The following NHSL3 variants were observed in gnomAD, a reference collection of about 807,000 sequenced individuals.
NHSL3 encodes the protein NHS like 3, also known as NHS-like protein 3.
At chr1:32,745,176 A>G in the NHSL3 span, among the ~76,000 whole-genome samples, 1 of 151,798 alleles carries the variant, frequency 6.6e-6, no homozygotes, top group East Asian at 1.9e-4. Context: ...TAACCATAGA[A>G]ATGCAAGGGG....
chr1:32,756,268 A>G, the NHSL3 span, among the ~76,000 whole-genome samples: 2 of 152,172 alleles, frequency 1.3e-5, no homozygotes, highest in Non-Finnish European at 2.9e-5. Flanking sequence ...AAGTAATCAC[A>G]GGATTGAAAT....
At chr1:32,770,431 C>T in the NHSL3 span, 64 of 1,608,006 alleles carry the variant, frequency 4.0e-5, no homozygotes, top group African/African-American at 5.3e-5. This position sits in a 1 kb window ranked among gnomAD's most constrained non-coding sequence, Gnocchi z 8.3. Flanking sequence ...CACCTGGAGC[C>T]ACTCTCAATC....
the NHSL3 span, chr1:32,773,200 A>T: frequency 2.0e-6 from 1 of 488,512 alleles, no homozygotes; most frequent in Non-Finnish European, 3.7e-6. Flanking sequence ...CTGAGGCTGC[A>T]GAGTTGGGAG....
At chr1:32,754,044 C>G in the NHSL3 span, 2 of 610,274 alleles carry the variant, frequency 3.3e-6, no homozygotes, top group Non-Finnish European at 6.0e-6. Flanking sequence ...GGCGGCCGGG[C>G]TGGCTGGGCC....
At chr1:32,757,747 C>T in the NHSL3 span, among the ~76,000 whole-genome samples, 1 of 152,326 alleles carries the variant, frequency 6.6e-6, no homozygotes, top group Admixed American at 6.5e-5. Flanking sequence ...GTCACTTTCT[C>T]AAGGCCACAC....
At chr1:32,742,326 G>T in the NHSL3 span, 349 of 856,564 alleles carry the variant, frequency 4.1e-4, 1 homozygote, top group Non-Finnish European at 4.0e-5. Context: ...AAGAGGCCAG[G>T]GCTGAGTCCG....
At chr1:32,744,443 T>C in the NHSL3 span, among the ~76,000 whole-genome samples, 1 of 152,164 alleles carries the variant, frequency 6.6e-6, no homozygotes, top group African/African-American at 2.4e-5. Context: ...TCAGGGACAG[T>C]GAGTGACTGA....
chr1:32,746,440 TAA>T, the NHSL3 span, among the ~76,000 whole-genome samples: 1 of 152,116 alleles, frequency 6.6e-6, no homozygotes, highest in East Asian at 1.9e-4. Flanking sequence ...GGGTCCTGGC[TAA>T]TCTGAATGGG....
At chr1:32,771,646 A>T in the NHSL3 span, 1 of 1,612,074 alleles carries the variant, frequency 6.2e-7, no homozygotes, top group Non-Finnish European at 8.5e-7. Flanking sequence ...CTCCTCAGCT[A>T]CTGCTTTGCA....
the NHSL3 span, among the ~76,000 whole-genome samples, chr1:32,744,828 T>C: frequency 6.6e-6 from 1 of 152,152 alleles, no homozygotes; most frequent in African/African-American, 2.4e-5. Flanking sequence ...AGAGAGCATA[T>C]GAAAATTATA....
the NHSL3 span, chr1:32,772,102 T>C: frequency 6.2e-7 from 1 of 1,613,196 alleles, no homozygotes; most frequent in South Asian, 1.1e-5. Context: ...TTTCATCTTC[T>C]CCAAGGGCTC....
chr1:32,746,694 AC>A, the NHSL3 span, among the ~76,000 whole-genome samples: 1 of 152,186 alleles, frequency 6.6e-6, no homozygotes, highest in Non-Finnish European at 1.5e-5. Flanking sequence ...AGAGGACCAG[AC>A]AGGCAAGGTC....
chr1:32,770,145 C>T, the NHSL3 span: 2 of 1,588,308 alleles, frequency 1.3e-6, no homozygotes, highest in South Asian at 1.1e-5. The surrounding 1 kb of genome is among the most constrained non-coding windows in gnomAD (Gnocchi z 8.3). Flanking sequence ...GGCCCATGTC[C>T]CTAGCAGTGC....
chr1:32,773,096 GTTCACCTCTGGC>G, the NHSL3 span: 1 of 597,340 alleles, frequency 1.7e-6, no homozygotes, highest in African/African-American at 1.8e-5. Context: ...TCCCGAATGG[GTTCACCTCTGGC>G]AGTTGCCGCT....
chr1:32,771,566 C>T, the NHSL3 span: 4 of 1,610,090 alleles, frequency 2.5e-6, no homozygotes, highest in Non-Finnish European at 3.4e-6. Flanking sequence ...GCTTTTTTCT[C>T]TGTGGCCAGC....
chr1:32,752,940 CACACACACACATATATATAT>C, the NHSL3 span, among the ~76,000 whole-genome samples: 115 of 14,414 alleles, frequency 8.0e-3, 5 homozygotes, highest in Middle Eastern at 0.04. Context: ...CACACACACA[CACACACACACATATATATAT>C]ATATATATTT....
chr1:32,768,564 C>T, the NHSL3 span: 1 of 1,539,036 alleles, frequency 6.5e-7, no homozygotes, highest in Admixed American at 1.8e-5. Context: ...TACTGCACTC[C>T]AGCCTGAGCT....
At chr1:32,763,609 T>G in the NHSL3 span, among the ~76,000 whole-genome samples, 1 of 152,222 alleles carries the variant, frequency 6.6e-6, no homozygotes, top group African/African-American at 2.4e-5. Flanking sequence ...AGTCTCACTC[T>G]TGCCCAGACT....
chr1:32,759,935 G>A, the NHSL3 span, among the ~76,000 whole-genome samples: 1 of 152,242 alleles, frequency 6.6e-6, no homozygotes, highest in South Asian at 2.1e-4. Context: ...CAGTAGAAGA[G>A]AAAGTGTTTT....
Sources: allele counts gnomAD v4.1 joint callset (sites outside exome capture counted in the v4.1 genomes callset), GRCh38; gene constraint gnomAD v4.1.1; non-coding constraint Gnocchi (gnomAD v3.1); transcripts MANE v1.5; gene names NCBI Gene and HGNC (gene_info 2026-07-23, HGNC 2026-07-21).